The following STX2 variants were observed in gnomAD, a reference collection of about 807,000 sequenced individuals.
STX2 encodes syntaxin-2.
STX2 carries 27 observed loss-of-function variants against 40.6 expected under a neutral mutation model. The ratio of observed to expected loss-of-function variants is 0.66; its 90% confidence interval spans 0.49 to 0.92. STX2 has a LOEUF of 0.92. Ranked by LOEUF, STX2 falls within the 40% of genes least tolerant of loss-of-function variation. STX2 has a pLI of 0.00. For missense variants in STX2, 328 were observed against 366.1 expected, an observed-to-expected ratio of 0.90 and a Z score of 0.85; for synonymous variants, 123 against 119.1, an observed-to-expected ratio of 1.03 and a Z score of -0.22.
Position 130,811,353 on chromosome 12 carries a change from G to A in STX2, c.280+1604C>T, listed in dbSNP as rs1309228520. Among the ~76,000 whole-genome samples the A allele has an allele frequency of 3.7e-5, 3 of 80,974 alleles. No homozygotes were observed. In the East Asian group the frequency reaches 2.1e-3, roughly 56 times the overall value. The allele number at this position is 80,974 out of a possible 152,430, so 53.1% of individuals were successfully genotyped here. ...AACCTGGGTGACAGAGTGAGACTCT[G>A]TCTCAAAAAAAAAAAAAAAAAATCA... is the stretch of plus-strand genomic sequence containing the variant. On this transcript the variant is annotated intron_variant, in intron 4 of 10. Coordinates refer to ENST00000392373, the MANE Select transcript of STX2 (RefSeq NM_194356.4).
At position 130,829,489 on chromosome 12, in the gene STX2, C is replaced by T. The variant is rs527552296; in HGVS notation, c.31-2222G>A. Among the ~76,000 whole-genome samples, 10 of 149,268 alleles carry T rather than the reference C, an allele frequency of 6.7e-5. No homozygotes were observed. In the East Asian group the frequency reaches 1.0e-3, roughly 15 times the overall value. On this transcript the variant is annotated intron_variant, in intron 1 of 10. Transcript: ENST00000392373. ...CTCTACCCTGGGGGAAGATGGGATGCGGGGAGGAGCTGTGCTGCGGAGCCC... is the reference window on the plus strand; with the variant it reads ...CTCTACCCTGGGGGAAGATGGGATGTGGGGAGGAGCTGTGCTGCGGAGCCC...
chr12:130,801,581 T>C, intron 6 of STX2, 93 bp from the exon 7 acceptor site: 1 of 1,313,866 alleles, frequency 7.6e-7, no homozygotes, highest in Non-Finnish European at 1.0e-6. Context: ...ACAATCATAG[T>C]TGTTAGCATT....
rs1309801566 is a variant in STX2, at chr12:130,798,648, A to C, written c.676-13T>G. 27 of 1,573,212 alleles carry C rather than the reference A, an allele frequency of 1.7e-5. No homozygotes were observed. The highest frequency in any genetic ancestry group is 2.3e-5 in the Non-Finnish European group (27 of 1,164,852). ...TGATCATTTCACCCTTAAAACAAAA[A>C]GTTTCAAACTTAGAAGACATTTTCA... On this transcript the variant is annotated splice_polypyrimidine_tract_variant and intron_variant, in intron 8 of 10. Coordinates refer to ENST00000392373, the MANE Select transcript of STX2 (RefSeq NM_194356.4).
chr12:130,801,653 T>C (rs539899625), intron 6 of STX2, among the ~76,000 whole-genome samples, 165 bp from the exon 7 acceptor site: 20 of 152,166 alleles, frequency 1.3e-4, no homozygotes, highest in Non-Finnish European at 2.5e-4. Context: ...GAACCTAAGA[T>C]TGAGGAGCAA....
chr12:130,818,170 CAAAA>C (rs756794046), intron 3 of STX2, among the ~76,000 whole-genome samples: 11 of 49,860 alleles, frequency 2.2e-4, no homozygotes, highest in African/African-American at 1.6e-3. Context: ...GCTGTTTCTA[CAAAA>C]AAAAAAAAAA....
intron 1 of STX2, among the ~76,000 whole-genome samples, chr12:130,828,867 C>A (rs920499885): frequency 3.9e-3 from 471 of 121,292 alleles, no homozygotes; most frequent in African/African-American, 4.0e-3. Context: ...GACTCTGTCT[C>A]AAAAAAAAAA....
chr12:130,831,255 T>C (rs1258015336), intron 1 of STX2, among the ~76,000 whole-genome samples: 2 of 152,360 alleles, frequency 1.3e-5, no homozygotes, highest in East Asian at 1.9e-4. Context: ...GCAAATAAAT[T>C]ATAAACCTTG....
chr12:130,796,178 T>G, intron 9 of STX2, 58 bp from the exon 10 acceptor site: 1 of 1,602,050 alleles, frequency 6.2e-7, no homozygotes, highest in South Asian at 1.1e-5. Context: ...ATTGCCACAT[T>G]AAAAGACATC....
intron 2 of STX2, among the ~76,000 whole-genome samples, 198 bp downstream of exon 2, chr12:130,826,995 C>T (rs1301485459): frequency 3.4e-5 from 5 of 148,326 alleles, no homozygotes; most frequent in Admixed American, 1.4e-4. Context: ...GGCAACAGAG[C>T]AAGACTCTGT....
intron 3 of STX2, 70 bp downstream of exon 3, chr12:130,821,619 G>T: frequency 4.0e-6 from 5 of 1,248,936 alleles, no homozygotes; most frequent in East Asian, 2.3e-5. Context: ...CAGAGTTGAG[G>T]CCTGTGCCGC....
At chr12:130,814,005 A>T (rs10744485) in intron 3 of STX2, among the ~76,000 whole-genome samples, 131 of 152,096 alleles carry the variant, frequency 8.6e-4, no homozygotes, top group African/African-American at 3.0e-3. Context: ...TCTCTTCCTG[A>T]CACCCCCTCA....
chr12:130,795,274 T>C (rs1213213362), intron 10 of STX2, among the ~76,000 whole-genome samples: 1 of 152,210 alleles, frequency 6.6e-6, no homozygotes, highest in Non-Finnish European at 1.5e-5. Context: ...TGCCCTCGAT[T>C]CCATAGTAAA....
chr12:130,820,757 A>G (rs990815637), intron 3 of STX2, among the ~76,000 whole-genome samples: 1 of 152,202 alleles, frequency 6.6e-6, no homozygotes, highest in African/African-American at 2.4e-5. Context: ...AAATACAACG[A>G]AAGATGTGCG....
At chr12:130,803,935 C>A (rs191688083) in intron 6 of STX2, among the ~76,000 whole-genome samples, 5 of 152,174 alleles carry the variant, frequency 3.3e-5, no homozygotes, top group Non-Finnish European at 7.3e-5. Flanking sequence ...CTTAACTCCT[C>A]CCCCTTACTG....
At position 130,791,969 on chromosome 12, in the gene STX2, C is replaced by A. The variant is rs1343239592; in HGVS notation, c.*54G>T. 6.2e-7 allele frequency: 1 copy of A among 1,600,922 alleles called. No homozygotes were observed. Among genetic ancestry groups the A allele is most frequent in the Admixed American group, 1.7e-5 (1 of 58,832 alleles). On this transcript the variant is annotated 3_prime_UTR_variant, in exon 11 of 11. Coordinates refer to ENST00000392373, the MANE Select transcript of STX2 (RefSeq NM_194356.4). ...AAACAATTACACAAATAATAATGAA[C>A]ATCAATTTCTGCAAGATAAAGAAAA...
At chr12:130,808,991 C>T (rs911468069) in intron 4 of STX2, among the ~76,000 whole-genome samples, 40 of 152,196 alleles carry the variant, frequency 2.6e-4, no homozygotes, top group African/African-American at 7.7e-4. Context: ...CGCAGCCTCC[C>T]GAGTAGCTGG....
chr12:130,838,588 G>A (rs1243562372), intron 1 of STX2, among the ~76,000 whole-genome samples: 1 of 152,156 alleles, frequency 6.6e-6, no homozygotes, highest in African/African-American at 2.4e-5. Context: ...CCTTTGTGAA[G>A]CCCCAGGGAT....
At chr12:130,809,405 G>A (rs1346667125) in intron 4 of STX2, among the ~76,000 whole-genome samples, 5 of 152,132 alleles carry the variant, frequency 3.3e-5, no homozygotes, top group Non-Finnish European at 7.3e-5. Context: ...TATATTTGAC[G>A]TCAGAATGAC....
At chr12:130,836,110 C>T (rs908888310) in intron 1 of STX2, among the ~76,000 whole-genome samples, 5 of 149,650 alleles carry the variant, frequency 3.3e-5, no homozygotes, top group African/African-American at 1.0e-4. Context: ...CATTCAACTA[C>T]TCTAAGAACT....
Sources: gnomAD v4.1 joint callset for allele counts (sites outside exome capture counted in the v4.1 genomes callset) on GRCh38, gnomAD v4.1.1 for gene constraint, MANE v1.5 for transcripts, NCBI Gene and HGNC (gene_info 2026-07-23, HGNC 2026-07-21) for gene names.